The following RAPGEF2 variants were observed in gnomAD, a reference collection of about 807,000 sequenced individuals.
RAPGEF2 encodes the protein PDZ domain containing guanine nucleotide exchange factor (GEF) 1.
In RAPGEF2, 54 loss-of-function variants were observed where a neutral mutation model predicts 186.7. The ratio of observed to expected loss-of-function variants is 0.29; its 90% confidence interval spans 0.23 to 0.36. The LOEUF (loss-of-function observed/expected upper bound fraction) is 0.36. Ranked by LOEUF, RAPGEF2 falls within the 10% of genes least tolerant of loss-of-function variation. The probability of loss-of-function intolerance (pLI) is 1.00; values close to 1 mark genes in which losing one functional copy is unlikely to be tolerated. For missense variants in RAPGEF2, 1,532 were observed against 2,045.0 expected (o/e 0.75, Z 4.84); for synonymous variants, 712 against 705.9 (o/e 1.01, Z -0.14).
chr4:159,354,810 G>A (rs867854888), intron 28 of RAPGEF2, among the ~76,000 whole-genome samples: 1 of 152,230 alleles, frequency 6.6e-6, no homozygotes, highest in Non-Finnish European at 1.5e-5. Flanking sequence ...TGCTGCTGCT[G>A]TTCCTGTTAG....
intron 10 of RAPGEF2, among the ~76,000 whole-genome samples, chr4:159,323,219 A>G (rs1416206570): frequency 6.6e-6 from 1 of 152,178 alleles, no homozygotes; most frequent in Non-Finnish European, 1.5e-5. Flanking sequence ...AGAGAAGAAT[A>G]TCCAAAGTCA....
At chr4:159,352,021 T>C (rs1731256731) in intron 26 of RAPGEF2, among the ~76,000 whole-genome samples, 1 of 152,164 alleles carries the variant, frequency 6.6e-6, no homozygotes, top group African/African-American at 2.4e-5. Flanking sequence ...CAAAAGAGAG[T>C]TAAGGGTCCT....
At chr4:159,298,659 TGGC>T (rs1762300966) in intron 7 of RAPGEF2, among the ~76,000 whole-genome samples, 2 of 152,186 alleles carry the variant, frequency 1.3e-5, no homozygotes, top group Non-Finnish European at 2.9e-5. Flanking sequence ...ACAATATGAA[TGGC>T]TTTTAAAATA....
chr4:159,275,486 C>T (rs865806170), intron 7 of RAPGEF2, among the ~76,000 whole-genome samples: 50 of 152,008 alleles, frequency 3.3e-4, no homozygotes, highest in African/African-American at 1.2e-3. Context: ...TTTATCGATA[C>T]ATCTGTATAC....
At chr4:159,121,774 T>C (rs1416853593) in intron 1 of RAPGEF2, among the ~76,000 whole-genome samples, 8 of 151,790 alleles carry the variant, frequency 5.3e-5, no homozygotes, top group African/African-American at 2.4e-5. Context: ...CTCATGCCTG[T>C]AATCGCAGCA....
At chr4:159,348,200 G>A (rs1730621310) in intron 25 of RAPGEF2, among the ~76,000 whole-genome samples, 2 of 149,916 alleles carry the variant, frequency 1.3e-5, no homozygotes, top group Non-Finnish European at 2.9e-5. Context: ...CAGCCTGGGC[G>A]ACAGAGCAAG....
intron 1 of RAPGEF2, among the ~76,000 whole-genome samples, chr4:159,142,954 T>G (rs1339112162): frequency 6.6e-6 from 1 of 152,242 alleles, no homozygotes; most frequent in Admixed American, 6.5e-5. Flanking sequence ...CTCCTAAGCA[T>G]TGTGTTAGAA....
At chr4:159,190,014 G>A (rs1356787157) in intron 2 of RAPGEF2, among the ~76,000 whole-genome samples, 1 of 152,114 alleles carries the variant, frequency 6.6e-6, no homozygotes, top group Non-Finnish European at 1.5e-5. Flanking sequence ...ATGGGTGCTA[G>A]ACAGCTCTGG....
chr4:159,292,416 G>A (rs72967718), intron 7 of RAPGEF2, among the ~76,000 whole-genome samples: 8,410 of 152,172 alleles, frequency 0.055, 760 homozygotes, highest in African/African-American at 0.19. Flanking sequence ...CCTAAGCAGG[G>A]AAACCTTTCA....
intron 1 of RAPGEF2, among the ~76,000 whole-genome samples, chr4:159,164,864 T>C (rs1579347957): frequency 6.6e-6 from 1 of 152,350 alleles, no homozygotes. Flanking sequence ...GCGTATTTTG[T>C]GACTTAGTTC....
At chr4:159,244,158 G>T (rs1754336301) in intron 7 of RAPGEF2, among the ~76,000 whole-genome samples, 1 of 151,842 alleles carries the variant, frequency 6.6e-6, no homozygotes, top group Non-Finnish European at 1.5e-5. Context: ...TTATGTGAAA[G>T]CTTATGGGAA....
chr4:159,352,325 T>G (rs1311522401), intron 26 of RAPGEF2: 1 of 171,898 alleles, frequency 5.8e-6, no homozygotes, highest in African/African-American at 2.4e-5. Context: ...CTTTGCATTT[T>G]GAAAAAAACA....
chr4:159,332,546 T>A lies in RAPGEF2; in HGVS notation c.1984T>A (p.Ser662Thr). Residue 662 changes from serine to threonine, a missense_variant, in exon 17 of 30, where the codon TCC (serine) becomes ACC (threonine). By Grantham distance (58) the Ser-to-Thr change is moderately conservative. Transcript: ENST00000691494. ...IGDIKKASRY[S>T]IPDLAVDVEQ... ...TGACATTAAAAAGGCCAGTCGCTAC[T>A]CCATTCCAGATCTTGCTGTAGATGT... 6.2e-6 allele frequency: 10 copies of A among 1,614,150 alleles called. No homozygotes were observed. The highest frequency in any genetic ancestry group is 8.5e-6 in the Non-Finnish European group (10 of 1,180,024).
chr4:159,350,988 T>C, intron 26 of RAPGEF2: 1 of 1,429,130 alleles, frequency 7.0e-7, no homozygotes, highest in Non-Finnish European at 9.5e-7. Flanking sequence ...CTGTGCATTT[T>C]GTATGGGTAT....
intron 4 of RAPGEF2, among the ~76,000 whole-genome samples, chr4:159,233,144 A>C (rs1401635348): frequency 2.0e-5 from 3 of 152,190 alleles, no homozygotes; most frequent in African/African-American, 7.2e-5. Context: ...TTCGATGCAG[A>C]GTTTTTAATT....
chr4:159,279,480 G>A (rs887631443), intron 7 of RAPGEF2, among the ~76,000 whole-genome samples: 10 of 152,122 alleles, frequency 6.6e-5, no homozygotes, highest in Non-Finnish European at 1.3e-4. Context: ...TTTCAAGTAA[G>A]TTTCAAAGGG....
At chr4:159,128,818 T>C (rs1740662656) in intron 1 of RAPGEF2, 1 of 147,692 alleles carries the variant, frequency 6.8e-6, no homozygotes. Flanking sequence ...CTTTAAAGAG[T>C]GGCAAAGTCT....
chr4:159,141,395 A>G (rs961672234), intron 1 of RAPGEF2, among the ~76,000 whole-genome samples: 2 of 152,112 alleles, frequency 1.3e-5, no homozygotes, highest in Non-Finnish European at 2.9e-5. Flanking sequence ...ATTCCCCTGG[A>G]TACCTCATTA....
At chr4:159,194,767 T>C (rs890810010) in intron 3 of RAPGEF2, among the ~76,000 whole-genome samples, 1 of 152,210 alleles carries the variant, frequency 6.6e-6, no homozygotes, top group African/African-American at 2.4e-5. Flanking sequence ...CCTCTTTTAA[T>C]AGTAGCTTGG....
Sources: gnomAD v4.1 joint callset for allele counts (sites outside exome capture counted in the v4.1 genomes callset) on GRCh38, gnomAD v4.1.1 for gene constraint, MANE v1.5 for transcripts, NCBI Gene and HGNC (gene_info 2026-07-23, HGNC 2026-07-21) for gene names.